Variants in LHFPL3 observed in about 807,000 individuals in gnomAD.
LHFPL3 encodes the protein LHFPL tetraspan subfamily member 3.
In LHFPL3, 5 loss-of-function variants were observed where a neutral mutation model predicts 19.3. The ratio of observed to expected loss-of-function variants is 0.26; its 90% CI spans 0.14 to 0.54. LHFPL3 has a LOEUF of 0.54. Among genes scored for constraint, LHFPL3 ranks in the 20% least tolerant of loss-of-function variants. LHFPL3 has a pLI of 0.94. For synonymous variants in LHFPL3, 133 were observed against 126.2 expected (o/e 1.05, Z -0.36); for missense variants, 249 against 307.4 (o/e 0.81, Z 1.42).
chr7:104,463,418 G>T (rs1792715205), intron 1 of LHFPL3, among the ~76,000 whole-genome samples: 1 of 152,168 alleles, frequency 6.6e-6, no homozygotes, highest in Non-Finnish European at 1.5e-5. Context: ...GTATCCCAGA[G>T]ATTCTGATGT....
intron 1 of LHFPL3, among the ~76,000 whole-genome samples, chr7:104,721,697 C>T (rs553939662): frequency 1.4e-4 from 22 of 152,192 alleles, no homozygotes; most frequent in South Asian, 6.2e-4. Context: ...TAACTCATTC[C>T]ACTGCCATGG....
intron 1 of LHFPL3, among the ~76,000 whole-genome samples, chr7:104,657,612 C>A (rs190387400): frequency 6.6e-6 from 1 of 152,298 alleles, no homozygotes; most frequent in African/African-American, 2.4e-5. Context: ...AATTACTTTG[C>A]CAGATATGTG....
At chr7:104,331,969 A>T (rs774771412) in intron 1 of LHFPL3, among the ~76,000 whole-genome samples, 1 of 151,886 alleles carries the variant, frequency 6.6e-6, no homozygotes, top group Non-Finnish European at 1.5e-5. Context: ...AAAGAAAAAG[A>T]AAGTTTAGAC....
chr7:104,462,292 G>C (rs2385171), intron 1 of LHFPL3, among the ~76,000 whole-genome samples: 85,001 of 152,092 alleles, frequency 0.56, 24,546 homozygotes, highest in Non-Finnish European at 0.63. Context: ...AATAGGAGTT[G>C]TAGGAGAGGG....
At position 104,783,245 on chromosome 7, in the gene LHFPL3, C is replaced by G. The variant is rs768674074; in HGVS notation, c.682+46334C>G. Among the ~76,000 whole-genome samples, 60 of 152,230 alleles carry G rather than the reference C, an allele frequency of 3.9e-4. 1 individual carries two copies. Among genetic ancestry groups the G allele is most frequent in the Non-Finnish European group, 2.8e-4 (19 of 68,038 alleles). On this transcript the variant is annotated intron_variant, in intron 2 of 2. Coordinates refer to ENST00000424859, the MANE Select transcript of LHFPL3 (RefSeq NM_199000.3). Reference sequence around the variant, plus strand: ...CCAGGAAGCTTTCTTTAACTTAACTCTTTACCCAACAAGGAATAGGGACTG... The same window carrying G: ...CCAGGAAGCTTTCTTTAACTTAACTGTTTACCCAACAAGGAATAGGGACTG...
At chr7:104,795,555 CGTT>C (rs1397107339) in intron 2 of LHFPL3, among the ~76,000 whole-genome samples, 3 of 152,176 alleles carry the variant, frequency 2.0e-5, no homozygotes, top group African/African-American at 4.8e-5. Flanking sequence ...AGCAGACACA[CGTT>C]GTCTTTTTAT....
chr7:104,701,103 T>A (rs1258942584), intron 1 of LHFPL3, among the ~76,000 whole-genome samples: 2 of 152,234 alleles, frequency 1.3e-5, no homozygotes, highest in Non-Finnish European at 2.9e-5. Context: ...TCTCGCTTGA[T>A]GGATAATTTG....
At chr7:104,619,737 G>A (rs1239714490) in intron 1 of LHFPL3, among the ~76,000 whole-genome samples, 1 of 152,094 alleles carries the variant, frequency 6.6e-6, no homozygotes, top group East Asian at 1.9e-4. Flanking sequence ...TCCTCAAGGA[G>A]TTTATAGTCT....
intron 2 of LHFPL3, among the ~76,000 whole-genome samples, chr7:104,839,005 TAAAG>T (rs1791148904): frequency 6.6e-6 from 1 of 152,148 alleles, no homozygotes; most frequent in Non-Finnish European, 1.5e-5. Context: ...AATGAATTCT[TAAAG>T]AAAGAGAATA....
At chr7:104,483,763 G>A (rs1793183118) in intron 1 of LHFPL3, among the ~76,000 whole-genome samples, 1 of 152,008 alleles carries the variant, frequency 6.6e-6, no homozygotes, top group Non-Finnish European at 1.5e-5. Context: ...CTACAGATGT[G>A]CACCACCATG....
At chr7:104,661,994 A>G (rs1383009174) in intron 1 of LHFPL3, among the ~76,000 whole-genome samples, 1 of 152,006 alleles carries the variant, frequency 6.6e-6, no homozygotes, top group Non-Finnish European at 1.5e-5. Context: ...GGCTTAGAGC[A>G]GGTAGCATCT....
At position 104,593,930 on chromosome 7, in the gene LHFPL3, A is replaced by G. The variant is rs192200677; in HGVS notation, c.446-142745A>G. Among the ~76,000 whole-genome samples, 15 of 152,180 alleles carry G rather than the reference A, an allele frequency of 9.9e-5. No homozygotes were observed. In the South Asian group the frequency reaches 1.0e-3, roughly 11 times the overall value. On this transcript the variant is annotated intron_variant, in intron 1 of 2. Transcript: ENST00000424859. ...TCCTCCATCCCTTTATTTTGAGCCT[A>G]TGTGCGTCTTTGCACGTGAAATGGG...
intron 2 of LHFPL3, chr7:104,802,995 C>T (rs1790285550): frequency 2.0e-5 from 3 of 152,338 alleles, no homozygotes. Context: ...AACTCCAAAG[C>T]TTGTCCCAGA....
intron 1 of LHFPL3, among the ~76,000 whole-genome samples, chr7:104,523,579 C>A (rs1195511700): frequency 6.6e-6 from 1 of 152,148 alleles, no homozygotes; most frequent in Non-Finnish European, 1.5e-5. Flanking sequence ...ATAGGCCAGG[C>A]ATCTTTTCTA....
intron 1 of LHFPL3, among the ~76,000 whole-genome samples, chr7:104,579,650 T>G (rs1790416904): frequency 6.6e-6 from 1 of 152,202 alleles, no homozygotes; most frequent in African/African-American, 2.4e-5. Context: ...ATTGAGCACT[T>G]TCTTTGTATT....
At chr7:104,433,843 A>G (rs921575289) in intron 1 of LHFPL3, among the ~76,000 whole-genome samples, 2 of 152,150 alleles carry the variant, frequency 1.3e-5, no homozygotes, top group Non-Finnish European at 2.9e-5. Flanking sequence ...TCTACACTGT[A>G]AGATCCTTGG....
At chr7:104,549,936 C>T (rs1164284141) in intron 1 of LHFPL3, among the ~76,000 whole-genome samples, 4 of 152,096 alleles carry the variant, frequency 2.6e-5, no homozygotes, top group African/African-American at 4.8e-5. Flanking sequence ...TTAGTCAGGG[C>T]TCTCTAGAGG....
At chr7:104,563,974 A>C (rs1051365652) in intron 1 of LHFPL3, among the ~76,000 whole-genome samples, 2 of 152,230 alleles carry the variant, frequency 1.3e-5, no homozygotes, top group African/African-American at 4.8e-5. Context: ...AAAATACCTA[A>C]TAACAATAGT....
intron 1 of LHFPL3, among the ~76,000 whole-genome samples, chr7:104,342,080 T>G (rs1789969012): frequency 6.6e-6 from 1 of 152,148 alleles, no homozygotes; most frequent in African/African-American, 2.4e-5. Flanking sequence ...ATGGCCTCCT[T>G]TTTTGGAGAA....
Sources: gnomAD v4.1 joint callset for allele counts (sites outside exome capture counted in the v4.1 genomes callset) on GRCh38, gnomAD v4.1.1 for gene constraint, MANE v1.5 for transcripts, NCBI Gene and HGNC (gene_info 2026-07-23, HGNC 2026-07-21) for gene names.